The following CCDC172 variants were observed in gnomAD, a reference collection of about 807,000 sequenced individuals.
The protein encoded by CCDC172 is coiled-coil domain-containing protein 172.
Under a neutral mutation model 38.0 loss-of-function variants are expected in CCDC172, and 30 were observed. The observed-to-expected ratio is 0.79, with a 90% CI of 0.59 to 1.07. CCDC172 has a LOEUF of 1.07. CCDC172 is among the 50% of genes least tolerant of loss of function. CCDC172 has a pLI of 0.00. For synonymous variants in CCDC172, 78 were observed against 88.3 expected (o/e 0.88, Z 0.66); for missense variants, 297 against 290.1 (o/e 1.02, Z -0.17).
chr10:116,329,969 G>A (rs936334318), intron 3 of CCDC172, among the ~76,000 whole-genome samples: 7 of 152,102 alleles, frequency 4.6e-5, no homozygotes, highest in African/African-American at 9.7e-5. Context: ...TTTATATTCC[G>A]AAGTGCCACG....
intron 3 of CCDC172, among the ~76,000 whole-genome samples, chr10:116,327,373 T>C (rs2134898876): frequency 6.6e-6 from 1 of 152,266 alleles, no homozygotes; most frequent in East Asian, 1.9e-4. Flanking sequence ...AAAAGGTTGC[T>C]TATACAAGTT....
chr10:116,327,497 A>G (rs1844606447), intron 3 of CCDC172, among the ~76,000 whole-genome samples: 1 of 152,060 alleles, frequency 6.6e-6, no homozygotes, highest in South Asian at 2.1e-4. Context: ...TTTGTCTGCA[A>G]ATGGAAATGT....
rs1439862114 is a variant in CCDC172, at chr10:116,340,675, G to A, written c.166-59G>A. ...TAGACAAATCTTCTCTGTTACCTAA[G>A]GTACTCTAAAATGTCTAATTAATTG... is the stretch of plus-strand genomic sequence containing the variant. On this transcript the variant is annotated intron_variant, in intron 3 of 8. Transcript: ENST00000333254. The A allele has an allele frequency of 5.0e-6, 4 of 794,346 alleles. No homozygotes were observed. In the African/African-American group the frequency reaches 7.0e-5, roughly 14 times the overall value. The allele number at this position is 794,346 out of a possible 1,614,324, so 49.2% of individuals were successfully genotyped here.
rs189129130 is a variant in CCDC172, at chr10:116,343,999, C to G, written c.448+1798C>G. Among the ~76,000 whole-genome samples, 515 of 152,234 alleles carry G rather than the reference C, an allele frequency of 3.4e-3. 4 individuals carry two copies. Among genetic ancestry groups the G allele is most frequent in the African/African-American group, 0.012 (493 of 41,534 alleles). On this transcript the variant is annotated intron_variant, in intron 5 of 8. Transcript: ENST00000333254. ...GTGAGAATGAAGACAGGGAGGGCAT[C>G]TTGTAGTAAGGCTACCAAAGTTGTT...
chr10:116,342,771 G>A (rs750805159), intron 5 of CCDC172, among the ~76,000 whole-genome samples: 1 of 152,134 alleles, frequency 6.6e-6, no homozygotes, highest in African/African-American at 2.4e-5. Context: ...ATGACATTGA[G>A]TGAGTTATCA....
At chr10:116,341,997 ACTAACAC>A in intron 4 of CCDC172, 32 bp from the exon 5 acceptor site, 1 of 1,323,048 alleles carries the variant, frequency 7.6e-7, no homozygotes, top group Non-Finnish European at 1.0e-6. Context: ...TATTATTGCA[ACTAACAC>A]CTATATTTGA....
At chr10:116,340,671 C>G (rs1589949902) in intron 3 of CCDC172, 63 bp from the exon 4 acceptor site, 2 of 774,378 alleles carry the variant, frequency 2.6e-6, no homozygotes, top group East Asian at 5.0e-5. Context: ...TCTCTGTTAC[C>G]TAAGGTACTC....
intron 7 of CCDC172, among the ~76,000 whole-genome samples, chr10:116,360,102 T>C (rs1770981686): frequency 6.6e-6 from 1 of 152,344 alleles, no homozygotes; most frequent in South Asian, 2.1e-4. Flanking sequence ...AGTAAGTGTG[T>C]AACTAACACA....
At chr10:116,358,314 A>G (rs749366871) in intron 7 of CCDC172, among the ~76,000 whole-genome samples, 5 of 151,964 alleles carry the variant, frequency 3.3e-5, no homozygotes, top group Non-Finnish European at 5.9e-5. Context: ...TCAGTCTGCT[A>G]TTTTACTTGA....
intron 7 of CCDC172, among the ~76,000 whole-genome samples, chr10:116,374,040 G>T (rs7093477): frequency 0.22 from 33,531 of 151,862 alleles, 5,462 homozygotes; most frequent in African/African-American, 0.42. Flanking sequence ...TAAACTCCTG[G>T]GCAGTTCTGC....
At chr10:116,327,307 C>T (rs2134898790) in intron 3 of CCDC172, among the ~76,000 whole-genome samples, 1 of 152,180 alleles carries the variant, frequency 6.6e-6, no homozygotes, top group East Asian at 1.9e-4. Context: ...TTCGTCATGA[C>T]ATTCATGTAT....
intron 5 of CCDC172, among the ~76,000 whole-genome samples, chr10:116,344,150 CACAGA>C (rs375377612): frequency 3.9e-4 from 60 of 151,914 alleles, no homozygotes; most frequent in African/African-American, 1.3e-3. Context: ...GGAACAAAAA[CACAGA>C]ACAGACAGAA....
chr10:116,374,768 T>C (rs1165241514), intron 7 of CCDC172, among the ~76,000 whole-genome samples: 2 of 151,950 alleles, frequency 1.3e-5, no homozygotes, highest in African/African-American at 4.8e-5. Flanking sequence ...TGAATAACTA[T>C]ATTAAATGAA....
intron 7 of CCDC172, among the ~76,000 whole-genome samples, chr10:116,377,363 A>G (rs1186319698): frequency 1.3e-5 from 2 of 152,166 alleles, no homozygotes; most frequent in Non-Finnish European, 2.9e-5. Flanking sequence ...CATGGCACCT[A>G]GCTCCAGAAA....
chr10:116,372,264 T>G (rs1845193947), intron 7 of CCDC172, among the ~76,000 whole-genome samples: 1 of 152,172 alleles, frequency 6.6e-6, no homozygotes, highest in African/African-American at 2.4e-5. Flanking sequence ...TAAAAAATTT[T>G]GAATTAAAAA....
At chr10:116,347,121 GCTAGAGCTATTAAATTTTGGGACTCAC>G (rs1844877558) in intron 5 of CCDC172, among the ~76,000 whole-genome samples, 1 of 152,098 alleles carries the variant, frequency 6.6e-6, no homozygotes, top group Admixed American at 6.6e-5. Context: ...ATAGTTCTGG[GCTAGAGCTATTAAATTTTGGGACTCAC>G]CTAGAGAGAA....
At chr10:116,361,393 T>G (rs1256382236) in intron 7 of CCDC172, among the ~76,000 whole-genome samples, 1 of 152,224 alleles carries the variant, frequency 6.6e-6, no homozygotes, top group East Asian at 1.9e-4. Flanking sequence ...TTTAAACATT[T>G]CAGGAATTTT....
At position 116,332,347 on chromosome 10, in the gene CCDC172, T is replaced by C. The variant is rs899631741; in HGVS notation, c.165+6959T>C. On this transcript the variant is annotated intron_variant, in intron 3 of 8. Coordinates refer to ENST00000333254, the MANE Select transcript of CCDC172 (RefSeq NM_198515.3). ...TTTGCTTTTACTGCCATATTAACCA[T>C]AATTCTGCACTATAAAACTCTTCAA... Among the ~76,000 whole-genome samples, 4 of 152,338 alleles carry C rather than the reference T, an allele frequency of 2.6e-5. No individual in the cohort carries two copies. In the South Asian group the frequency reaches 8.3e-4, roughly 32 times the overall value.
intron 7 of CCDC172, among the ~76,000 whole-genome samples, chr10:116,362,926 T>C (rs1319728901): frequency 1.3e-5 from 2 of 152,188 alleles, no homozygotes; most frequent in Admixed American, 6.5e-5. Context: ...GCACATACTG[T>C]AGTTATTAAA....
Sources: gnomAD v4.1 joint callset for allele counts (sites outside exome capture counted in the v4.1 genomes callset) on GRCh38, gnomAD v4.1.1 for gene constraint, MANE v1.5 for transcripts, NCBI Gene and HGNC (gene_info 2026-07-23, HGNC 2026-07-21) for gene names.